CFAP46: variants seen among roughly 807,000 people sequenced by gnomAD.
The protein encoded by CFAP46 is cilia- and flagella-associated protein 46.
In CFAP46, 245 loss-of-function variants were observed where a neutral mutation model predicts 325.7. The ratio of observed to expected loss-of-function variants is 0.75; its 90% CI spans 0.68 to 0.84. CFAP46 has a LOEUF of 0.84. Among genes scored for constraint, CFAP46 ranks in the 40% least tolerant of loss-of-function variants. The pLI is 0.00. For missense variants in CFAP46, 3,346 were observed against 3,543.0 expected (o/e 0.94, Z 1.41); for synonymous variants, 1,523 against 1,495.9 (o/e 1.02, Z -0.42).
rs11146040 is a variant in CFAP46 at position 132,922,540 on chromosome 10, G to A, written c.1425C>T (p.Cys475=). The A allele has an allele frequency of 0.024, 36,737 of 1,547,756 alleles. 601 individuals carry two copies. The highest frequency in any genetic ancestry group is 0.023 in the Non-Finnish European group (26,615 of 1,146,706). ...GCTCAGGGGCCTGGTATAGCGTGGT[G>A]CACAGACGCAGCCGGGTGGAGGCCA... The part of the protein sequence containing the change: ...IQMASTRLRL[C]TTLYQAPERA... The change falls in exon 12 of 58, where the codon TGC becomes TGT. Residue 475 remains cysteine (C), a synonymous_variant. Coordinates refer to ENST00000368586, the MANE Select transcript of CFAP46 (RefSeq NM_001200049.3).
At chr10:132,836,536 C>T (rs948033715) in intron 45 of CFAP46, among the ~76,000 whole-genome samples, 1 of 152,250 alleles carries the variant, frequency 6.6e-6, no homozygotes, top group Non-Finnish European at 1.5e-5. Context: ...CTCTCGGCTC[C>T]ACCATAACAG....
At chr10:132,874,088 C>T (rs1018987888) in intron 31 of CFAP46, among the ~76,000 whole-genome samples, 8 of 152,182 alleles carry the variant, frequency 5.3e-5, no homozygotes, top group Admixed American at 3.9e-4. Context: ...CAATCTTATA[C>T]AAATTTCTCC....
In CFAP46 at chr10:132,868,606, C is replaced by G. The variant is rs149217853; in HGVS notation, c.4610+668G>C. Among the ~76,000 whole-genome samples the G allele has an allele frequency of 9.9e-3, 1,501 of 152,258 alleles. 15 individuals carry two copies. Among genetic ancestry groups the G allele is most frequent in the South Asian group, 0.043 (209 of 4,824 alleles). ...AACAGTGTCTGTTTCAATGTAACGG[C>G]GAAATGGCCGGAAGAGCATGAGTGA... On this transcript the variant is annotated intron_variant, in intron 33 of 57. Transcript: ENST00000368586.
chr10:132,921,364 G>A (rs1849719988), intron 13 of CFAP46, among the ~76,000 whole-genome samples: 1 of 152,220 alleles, frequency 6.6e-6, no homozygotes, highest in Non-Finnish European at 1.5e-5. Flanking sequence ...AGCCACTGGC[G>A]AGTGCCCAGA....
chr10:132,848,332 A>G (rs1848475352), intron 41 of CFAP46, among the ~76,000 whole-genome samples: 1 of 152,250 alleles, frequency 6.6e-6, no homozygotes, highest in Non-Finnish European at 1.5e-5. Flanking sequence ...TGAGGCCGAC[A>G]GCCAAGGCTG....
chr10:132,909,007 GGTGGGGGAGAGCGGGGCAGA>G, intron 21 of CFAP46, 110 bp downstream of exon 21: 1 of 663,362 alleles, frequency 1.5e-6, no homozygotes, highest in Non-Finnish European at 2.6e-6. Context: ...TCCGTTGGGA[GGTGGGGGAGAGCGGGGCAGA>G]GTGGGGGTGA....
rs1013081389 is a variant in CFAP46, at chr10:132,884,622, C to T, written c.3627+481G>A. ...CACCCACCTCCTCCTGAGCCCACCC[C>T]AAGGGGAACGTCCATCTCGCCTTCC... On this transcript the variant is annotated intron_variant, in intron 27 of 57. Transcript: ENST00000368586. This position sits in a 1 kb window ranked among gnomAD's most constrained non-coding sequence, Gnocchi z 5.4. 7.2e-5 allele frequency among the ~76,000 whole-genome samples: 11 copies of T among 152,304 alleles called. No homozygotes were observed. Among genetic ancestry groups the T allele is most frequent in the African/African-American group, 2.6e-4 (11 of 41,580 alleles).
intron 35 of CFAP46, among the ~76,000 whole-genome samples, chr10:132,862,936 G>C (rs564989094): frequency 6.6e-6 from 1 of 152,236 alleles, no homozygotes; most frequent in Non-Finnish European, 1.5e-5. Context: ...CAAAGTTGAG[G>C]ACGGGAGGTA....
At chr10:132,932,629 C>T (rs531074181) in intron 8 of CFAP46, among the ~76,000 whole-genome samples, 26 of 149,038 alleles carry the variant, frequency 1.7e-4, no homozygotes, top group Admixed American at 2.7e-4. Context: ...GGCTTCCCCA[C>T]GCTCCCCACA....
chr10:132,846,944 C>A lies in CFAP46; in HGVS notation c.6255G>T (p.Leu2085=), dbSNP rs1848447779. The A allele has an allele frequency of 1.2e-6, 2 of 1,610,054 alleles. No individual in the cohort carries two copies. The highest frequency in any genetic ancestry group is 1.7e-6 in the Non-Finnish European group (2 of 1,179,266). Reference sequence around the variant, plus strand: ...GGCAGAGACACACCTGAGACAGAGCCAGGAACTGGCAGGTAGTTGCAGGGT... The same window carrying A: ...GGCAGAGACACACCTGAGACAGAGCAAGGAACTGGCAGGTAGTTGCAGGGT... ...TLDPATTCQF[L]ALSQSCSASE... is the part of the protein sequence containing the mutation. The change falls in exon 43 of 58, where the codon CTG becomes CTT. Residue 2085 remains leucine, a synonymous_variant. Transcript: ENST00000368586.
At chr10:132,833,631 G>A in intron 49 of CFAP46, 106 bp from the exon 50 acceptor site, 4 of 1,260,456 alleles carry the variant, frequency 3.2e-6, no homozygotes, top group Non-Finnish European at 4.4e-6. Flanking sequence ...GGGAAAGGCT[G>A]GCAGCCCGCC....
rs530521879 is a variant in CFAP46, at chr10:132,828,635, C to T, written c.7117+4723G>A. 6.6e-6 allele frequency among the ~76,000 whole-genome samples: 1 copy of T among 152,114 alleles called. No individual in the cohort carries two copies. The highest frequency in any genetic ancestry group is 1.5e-5 in the Non-Finnish European group (1 of 68,016). On this transcript the variant is annotated intron_variant, in intron 50 of 57. Coordinates refer to ENST00000368586, the MANE Select transcript of CFAP46 (RefSeq NM_001200049.3). This position sits in a 1 kb window ranked among gnomAD's most constrained non-coding sequence, Gnocchi z 4.9. ...TTGGCGTAACTTTTCATTTTCTTAA[C>T]AATATCTTTCAAAGAGTGGAAATTC... is the stretch of plus-strand genomic sequence containing the variant.
At chr10:132,898,705 C>T (rs1337121562) in intron 24 of CFAP46, 2 of 580,288 alleles carry the variant, frequency 3.4e-6, no homozygotes, top group Non-Finnish European at 6.3e-6. Flanking sequence ...TGCTGTGTGT[C>T]TCCAGGGCTG....
chr10:132,815,064 G>T (rs190325294), intron 50 of CFAP46, 150 bp from the exon 51 acceptor site: 4 of 751,638 alleles, frequency 5.3e-6, no homozygotes, highest in Non-Finnish European at 8.9e-6. Context: ...TTTGTGTAAA[G>T]TTGACGTGGC....
chr10:132,850,517 C>T, intron 40 of CFAP46, 85 bp from the exon 41 acceptor site: 3 of 1,317,996 alleles, frequency 2.3e-6, no homozygotes, highest in Non-Finnish European at 3.1e-6. Context: ...CCGCCCTCTG[C>T]TGTGCCCTGT....
intron 50 of CFAP46, among the ~76,000 whole-genome samples, chr10:132,824,387 CTG>C (rs1461682243): frequency 1.0e-4 from 12 of 115,780 alleles, no homozygotes; most frequent in African/African-American, 1.7e-4. Flanking sequence ...CTGATGTGTG[CTG>C]TGTGTGCTGA....
At position 132,860,644 on chromosome 10, in the gene CFAP46, G is replaced by A. The variant is rs1848708608; in HGVS notation, c.5092-121C>T. The A allele has an allele frequency of 3.4e-6, 4 of 1,174,652 alleles. No homozygotes were observed. The African/African-American group carries it at 6.1e-5, about 18-fold the overall frequency. The allele number at this position is 1,174,652 out of a possible 1,614,324, so 72.8% of individuals were successfully genotyped here. A position where few individuals can be genotyped will look rare whatever the true frequency, so the allele number is the denominator to read the frequency against. On this transcript the variant is annotated intron_variant, in intron 36 of 57. Coordinates refer to ENST00000368586, the MANE Select transcript of CFAP46 (RefSeq NM_001200049.3). ...AGGACAGGCGGGGGTAGATACGGGT[G>A]TGTCTGAGGGTGGGGCAGGGATGGA...
chr10:132,887,113 ACCTCTCTCTCT>A (rs1351799498), intron 25 of CFAP46, among the ~76,000 whole-genome samples: 1 of 58,780 alleles, frequency 1.7e-5, no homozygotes, highest in African/African-American at 6.7e-5. Context: ...CTCCTCTTTC[ACCTCTCTCTCT>A]CCTCTCCTCT....
In CFAP46 at chr10:132,899,629, C is replaced by T; in HGVS notation, c.2962G>A (p.Ala988Thr). ...SRLVAEMLCT[A>T]TAIQGRSIME... ...ATGCTCCTGCCCTGGATGGCCGTGG[C>T]TGTGCACAGCATCTCTGCCACCAGC... The change falls in exon 23 of 58, where the codon GCC becomes ACC. Residue 988 changes from alanine to threonine, a missense_variant. Coordinates refer to ENST00000368586, the MANE Select transcript of CFAP46 (RefSeq NM_001200049.3). 6.5e-7 allele frequency: 1 copy of T among 1,550,264 alleles called. No homozygotes were observed. Among genetic ancestry groups the T allele is most frequent in the Non-Finnish European group, 8.7e-7 (1 of 1,146,912 alleles).
Sources: gnomAD v4.1 joint callset for allele counts (sites outside exome capture counted in the v4.1 genomes callset) on GRCh38, gnomAD v4.1.1 for gene constraint, Gnocchi (gnomAD v3.1) non-coding constraint, MANE v1.5 for transcripts, NCBI Gene and HGNC (gene_info 2026-07-23, HGNC 2026-07-21) for gene names.